Variants in OSBPL8 observed in about 807,000 individuals in gnomAD.
OSBPL8 encodes oxysterol binding protein like 8.
In OSBPL8, 59 loss-of-function variants were observed where a neutral mutation model predicts 125.5. The observed-to-expected ratio is 0.47, with a 90% CI of 0.38 to 0.58. The LOEUF (loss-of-function observed/expected upper bound fraction) is 0.58, where lower values mean the gene tolerates loss of function less well. Among genes scored for constraint, OSBPL8 ranks in the 20% least tolerant of loss-of-function variants. The probability of loss-of-function intolerance (pLI) is 0.00; values close to 1 mark genes in which losing one functional copy is unlikely to be tolerated. For synonymous variants in OSBPL8, 330 were observed against 338.9 expected (o/e 0.97, Z 0.29); for missense variants, 758 against 1,047.8 (o/e 0.72, Z 3.82).
chr12:76,361,651 G>A (rs529361388), intron 21 of OSBPL8, among the ~76,000 whole-genome samples: 1 of 152,286 alleles, frequency 6.6e-6, no homozygotes, highest in East Asian at 1.9e-4. Context: ...TGACTTGGGA[G>A]GTCTATAATC....
intron 1 of OSBPL8, among the ~76,000 whole-genome samples, chr12:76,527,148 C>T (rs1950202376): frequency 6.8e-6 from 1 of 146,304 alleles, no homozygotes; most frequent in Non-Finnish European, 1.5e-5. Context: ...ATAATCACTG[C>T]AATGCAAAAG....
At chr12:76,558,502 T>C (rs1231421016) in intron 1 of OSBPL8, among the ~76,000 whole-genome samples, 5 of 152,232 alleles carry the variant, frequency 3.3e-5, no homozygotes, top group African/African-American at 7.2e-5. Context: ...TCAGACGTCA[T>C]TTAAGTCTTC....
intron 2 of OSBPL8, among the ~76,000 whole-genome samples, chr12:76,483,828 C>A (rs1034665258): frequency 1.3e-5 from 2 of 151,604 alleles, no homozygotes; most frequent in East Asian, 2.0e-4. Flanking sequence ...GTGCCCGCCA[C>A]GCCACCTGGC....
intron 1 of OSBPL8, among the ~76,000 whole-genome samples, chr12:76,545,758 T>C (rs1193150139): frequency 6.6e-6 from 1 of 152,180 alleles, no homozygotes; most frequent in Admixed American, 6.5e-5. Context: ...TACACTTCTC[T>C]ATGCCTATTC....
rs1048728314 is a variant in OSBPL8, at chr12:76,538,947, A to G, written c.-68+20450T>C. ...GACACACCAAGACTCCATCTCAAAA[A>G]AAAAGAAAAAAAGAAAAAAGATTAG... On this transcript the variant is annotated intron_variant, in intron 1 of 23. Transcript: ENST00000261183. 2.6e-5 allele frequency among the ~76,000 whole-genome samples: 4 copies of G among 151,692 alleles called. No individual in the cohort carries two copies. The East Asian group carries it at 7.7e-4, about 29-fold the overall frequency.
chr12:76,472,692 G>T (rs577256130), intron 2 of OSBPL8, among the ~76,000 whole-genome samples: 5 of 152,178 alleles, frequency 3.3e-5, no homozygotes, highest in Non-Finnish European at 7.3e-5. Flanking sequence ...GAGAGAGACA[G>T]CTTACACCAT....
At chr12:76,558,439 G>GCA (rs1951174151) in intron 1 of OSBPL8, among the ~76,000 whole-genome samples, 1 of 152,176 alleles carries the variant, frequency 6.6e-6, no homozygotes, top group Middle Eastern at 3.2e-3. Flanking sequence ...TTCAAAAGCA[G>GCA]CACTAATTTT....
chr12:76,398,746 T>C (rs1363996708), intron 7 of OSBPL8, among the ~76,000 whole-genome samples: 1 of 152,134 alleles, frequency 6.6e-6, no homozygotes, highest in African/African-American at 2.4e-5. Flanking sequence ...CAAATAGGCG[T>C]ATCACAGTAA....
Position 76,375,333 on chromosome 12 carries a change from T to C in OSBPL8, c.1767A>G (p.Gly589=). 1 of 1,612,298 alleles carries C rather than the reference T, an allele frequency of 6.2e-7. No homozygotes were observed. The highest frequency in any genetic ancestry group is 8.5e-7 in the Non-Finnish European group (1 of 1,179,196). ...TTTTTTGACATGTAATATTGACTGT[T>C]CCACCAAGCTCCAGTGTCATTGTAC... ...LYGTMTLELG[G]TVNITCQKTG... is the part of the protein sequence containing the mutation. The change falls in exon 17 of 24, where the codon GGA becomes GGG. Residue 589 remains glycine, a synonymous_variant. Transcript: ENST00000261183.
intron 12 of OSBPL8, among the ~76,000 whole-genome samples, chr12:76,387,981 T>C (rs987991298): frequency 3.9e-5 from 6 of 152,196 alleles, no homozygotes; most frequent in African/African-American, 1.2e-4. Flanking sequence ...TCTTTAGGCA[T>C]AAACAAGCAT....
chr12:76,487,715 C>A, intron 1 of OSBPL8, 97 bp from the exon 2 acceptor site: 1 of 448,932 alleles, frequency 2.2e-6, no homozygotes, highest in Non-Finnish European at 3.7e-6. Context: ...TCATTTTAGT[C>A]TGAGGTTATT....
intron 2 of OSBPL8, among the ~76,000 whole-genome samples, chr12:76,480,167 C>CAAAAAAAAAAAAA (rs57582036): frequency 1.8e-5 from 1 of 56,386 alleles, no homozygotes; most frequent in Non-Finnish European, 3.1e-5. Context: ...AACTCCATCT[C>CAAAAAAAAAAAAA]AAAAAAAAAA....
chr12:76,398,259 G>A lies in OSBPL8; in HGVS notation c.469-362C>T, dbSNP rs545896236. 4.1e-4 allele frequency among the ~76,000 whole-genome samples: 62 copies of A among 152,230 alleles called. 1 individual carries two copies. In the Middle Eastern group the frequency reaches 0.014, roughly 33 times the overall value. On this transcript the variant is annotated intron_variant, in intron 7 of 23. Coordinates refer to ENST00000261183, the MANE Select transcript of OSBPL8 (RefSeq NM_020841.5). ...GTAATCTTATTTGTGTGCATATGAT[G>A]ATTCTGCTTAAAACAATTTTTCCCC...
intron 4 of OSBPL8, among the ~76,000 whole-genome samples, chr12:76,438,928 A>G (rs1871837124): frequency 6.6e-6 from 1 of 152,170 alleles, no homozygotes; most frequent in South Asian, 2.1e-4. Flanking sequence ...TTCTCTTGCA[A>G]TGTCCTTGCC....
In OSBPL8 at chr12:76,487,046, T is replaced by TA. The variant is rs1555229231; in HGVS notation, c.42+463dup. Among the ~76,000 whole-genome samples, 1,148 of 148,142 alleles carry TA rather than the reference T, an allele frequency of 7.7e-3. 32 individuals are homozygous for TA. Among genetic ancestry groups the TA allele is most frequent in the African/African-American group, 0.028 (1,101 of 39,616 alleles). The stretch of plus-strand genomic sequence containing the variant: ...ATTTTTTTTTTTTTTTTTTTTTTTT[T>TA]AGAGACCGAGTCTGACTTTGTCGCC... On this transcript the variant is annotated intron_variant, in intron 2 of 23. Transcript: ENST00000261183.
At chr12:76,491,435 T>C (rs1300900597) in intron 1 of OSBPL8, among the ~76,000 whole-genome samples, 1 of 152,156 alleles carries the variant, frequency 6.6e-6, no homozygotes, top group East Asian at 1.9e-4. Flanking sequence ...TTTCTACAAG[T>C]ATAAAAGGCC....
chr12:76,491,304 A>C (rs1167134758), intron 1 of OSBPL8, among the ~76,000 whole-genome samples: 1 of 152,242 alleles, frequency 6.6e-6, no homozygotes, highest in African/African-American at 2.4e-5. Flanking sequence ...GTAACTATAA[A>C]TATTCAGAGG....
At chr12:76,487,114 C>G (rs968963910) in intron 2 of OSBPL8, among the ~76,000 whole-genome samples, 2 of 149,312 alleles carry the variant, frequency 1.3e-5, no homozygotes, top group African/African-American at 4.9e-5. Context: ...ACTGCAACCT[C>G]CACCTCCCAA....
At chr12:76,518,268 C>A (rs7312644) in intron 1 of OSBPL8, among the ~76,000 whole-genome samples, 2 of 152,182 alleles carry the variant, frequency 1.3e-5, no homozygotes, top group African/African-American at 4.8e-5. Context: ...CCCAGCAGGG[C>A]AGACATTAAA....
Sources: gnomAD v4.1 joint callset for allele counts (sites outside exome capture counted in the v4.1 genomes callset) on GRCh38, gnomAD v4.1.1 for gene constraint, MANE v1.5 for transcripts, NCBI Gene and HGNC (gene_info 2026-07-23, HGNC 2026-07-21) for gene names.